The following FECH variants were observed in gnomAD, a reference collection of about 807,000 sequenced individuals.
FECH encodes the protein ferrochelatase, mitochondrial.
In FECH, 40 loss-of-function variants were observed where a neutral mutation model predicts 56.9. The ratio of observed to expected loss-of-function variants is 0.70; its 90% confidence interval spans 0.55 to 0.92. The LOEUF (loss-of-function observed/expected upper bound fraction) is 0.92. FECH is among the 40% of genes least tolerant of loss of function. The pLI, the probability that FECH is intolerant of heterozygous loss-of-function variation, is 0.00. For missense variants in FECH, 431 were observed against 529.1 expected, an observed-to-expected ratio of 0.81 and a Z score of 1.82; for synonymous variants, 175 against 198.6, an observed-to-expected ratio of 0.88 and a Z score of 1.00.
At chr18:57,570,381 A>C (rs898013946) in intron 4 of FECH, among the ~76,000 whole-genome samples, 6 of 152,174 alleles carry the variant, frequency 3.9e-5, no homozygotes, top group Admixed American at 3.9e-4. Flanking sequence ...CAGTTGAACA[A>C]TTTTCGAAGT....
chr18:57,554,458 T>C (rs1196350893), intron 8 of FECH, 34 bp from the exon 9 acceptor site: 1 of 1,613,310 alleles, frequency 6.2e-7, no homozygotes, highest in East Asian at 2.2e-5. Flanking sequence ...GTAAGTGGAC[T>C]ATGCCTCCTG....
Position 57,551,119 on chromosome 18 carries a change from T to C in FECH, c.1137+196A>G, listed in dbSNP as rs2050791616. On this transcript the variant is annotated intron_variant, in intron 10 of 10. Coordinates refer to ENST00000262093, the MANE Select transcript of FECH (RefSeq NM_000140.5). ...GCAGGTTTTAAATCAGACATAGTTA[T>C]AGGTGGGTAGAAATCAGAAAATTGG... 3 of 638,612 alleles carry C rather than the reference T, an allele frequency of 4.7e-6. No homozygotes were observed. In the South Asian group the frequency reaches 5.9e-5, roughly 13 times the overall value. The allele number at this position is 638,612 out of a possible 1,614,324, so 39.6% of individuals were successfully genotyped here. A position where few individuals can be genotyped will look rare whatever the true frequency, so the allele number is the denominator to read the frequency against.
At position 57,549,006 on chromosome 18, in the gene FECH, G is replaced by C. The variant is rs1482324824; in HGVS notation, c.*1706C>G. ...CTTCCAGCACCACACCACCAGCTCA[G>C]AGAATTCACTTCACGGTGGGACGGT... is the stretch of plus-strand genomic sequence containing the variant. On this transcript the variant is annotated 3_prime_UTR_variant, in exon 11 of 11. Transcript: ENST00000262093. 1 of 152,062 alleles carries C rather than the reference G, an allele frequency of 6.6e-6. No individual in the cohort carries two copies. The highest frequency in any genetic ancestry group is 1.5e-5 in the Non-Finnish European group (1 of 68,012). The allele number at this position is 152,062 out of a possible 1,614,324, so 9.4% of individuals were successfully genotyped here. A position where few individuals can be genotyped will look rare whatever the true frequency, so the allele number is the denominator to read the frequency against.
rs1211527966 is a variant in FECH at position 57,580,134 on chromosome 18, C to T, written c.133G>A (p.Val45Ile). Reference protein sequence around the residue: ...RWKSGAAAAAVTTETAQHAQG... With the variant: ...RWKSGAAAAAITTETAQHAQG... ...GCATGCTGGGCTGTTTCTGTGGTGA[C>T]GGCCGCTGCAGCTGCACCTGACTTC... The change falls in exon 2 of 11, where the codon GTC (valine) becomes ATC (isoleucine). Residue 45 changes from valine to isoleucine, a missense_variant. Physicochemically the swap from Val to Ile is conservative, Grantham distance 29 (BLOSUM62 3). Coordinates refer to ENST00000262093, the MANE Select transcript of FECH (RefSeq NM_000140.5). The T allele has an allele frequency of 9.9e-6, 16 of 1,614,184 alleles. No homozygotes were observed. Among genetic ancestry groups the T allele is most frequent in the Non-Finnish European group, 1.3e-5 (15 of 1,180,032 alleles).
In FECH at chr18:57,545,600, A is replaced by G. The variant is rs2050710398; in HGVS notation, c.*5112T>C. 6.6e-6 allele frequency among the ~76,000 whole-genome samples: 1 copy of G among 152,204 alleles called. No homozygotes were observed. Among genetic ancestry groups the G allele is most frequent in the African/African-American group, 2.4e-5 (1 of 41,452 alleles). On this transcript the variant is annotated 3_prime_UTR_variant, in exon 11 of 11. Coordinates refer to ENST00000262093, the MANE Select transcript of FECH (RefSeq NM_000140.5). ...AGCGATGGTCTGGCTGAAGGGCACC[A>G]CCTGCTATTGCTCATCATATTCGTG...
At chr18:57,560,191 G>GA (rs2050924572) in intron 6 of FECH, among the ~76,000 whole-genome samples, 1 of 152,186 alleles carries the variant, frequency 6.6e-6, no homozygotes, top group African/African-American at 2.4e-5. Context: ...CCTGATTTTA[G>GA]AAAACACACT....
chr18:57,554,756 G>T, intron 8 of FECH, 89 bp downstream of exon 8: 1 of 1,077,068 alleles, frequency 9.3e-7, no homozygotes, highest in Admixed American at 1.8e-5. Flanking sequence ...GCCTGACCAT[G>T]TGTAAGAGCC....
chr18:57,584,342 A>AC (rs992227853), intron 1 of FECH, among the ~76,000 whole-genome samples: 4 of 151,466 alleles, frequency 2.6e-5, no homozygotes, highest in Non-Finnish European at 4.4e-5. Context: ...AAAAAAAAAA[A>AC]AAACTCTCAA....
At chr18:57,573,393 T>C in intron 2 of FECH, 28 bp from the exon 3 acceptor site, 1 of 1,613,512 alleles carries the variant, frequency 6.2e-7, no homozygotes, top group Non-Finnish European at 8.5e-7. Context: ...CAACGGTTGA[T>C]TTGTCACACT....
rs908102999 is a variant in FECH at position 57,569,584 on chromosome 18, G to A, written c.463+1808C>T. Reference sequence around the variant, plus strand: ...AGCCTCACCGGAGACAGGAGGTGGCGGGAAGGATGCCCTCCTGTCTGTATT... The same window carrying A: ...AGCCTCACCGGAGACAGGAGGTGGCAGGAAGGATGCCCTCCTGTCTGTATT... On this transcript the variant is annotated intron_variant, in intron 4 of 10. Coordinates refer to ENST00000262093, the MANE Select transcript of FECH (RefSeq NM_000140.5). Among the ~76,000 whole-genome samples, 5 of 152,100 alleles carry A rather than the reference G, an allele frequency of 3.3e-5. No individual in the cohort carries two copies. The South Asian group carries it at 8.3e-4, about 25-fold the overall frequency.
intron 3 of FECH, 65 bp from the exon 4 acceptor site, chr18:57,571,605 T>C: frequency 6.2e-7 from 1 of 1,612,812 alleles, no homozygotes; most frequent in Non-Finnish European, 8.5e-7. Flanking sequence ...AAATGTTTTC[T>C]ACTCAATAAA....
At chr18:57,584,182 A>G (rs1236511113) in intron 1 of FECH, among the ~76,000 whole-genome samples, 1 of 149,470 alleles carries the variant, frequency 6.7e-6, no homozygotes, top group African/African-American at 2.4e-5. Flanking sequence ...CCGTCTCAAA[A>G]AAAAAAAAAA....
At chr18:57,569,840 T>C (rs189295377) in intron 4 of FECH, among the ~76,000 whole-genome samples, 253 of 151,336 alleles carry the variant, frequency 1.7e-3, no homozygotes, top group African/African-American at 5.8e-3. Flanking sequence ...ATAAAACCTT[T>C]TTTTTTTTTT....
chr18:57,575,687 G>C (rs78718777), intron 2 of FECH, among the ~76,000 whole-genome samples: 1 of 152,172 alleles, frequency 6.6e-6, no homozygotes, highest in South Asian at 2.1e-4. Context: ...GGCTCCCAAA[G>C]TGCTGAGATT....
At chr18:57,577,529 A>C (rs2051200730) in intron 2 of FECH, among the ~76,000 whole-genome samples, 1 of 152,208 alleles carries the variant, frequency 6.6e-6, no homozygotes, top group Non-Finnish European at 1.5e-5. Context: ...AAGAATCCAC[A>C]AAGACACTCA....
rs779370863 is a variant in FECH at position 57,554,390 on chromosome 18, T to C, written c.947A>G (p.Asp316Gly). The C allele has an allele frequency of 1.2e-6, 2 of 1,614,170 alleles. No homozygotes were observed. The highest frequency in any genetic ancestry group is 1.7e-6 in the Non-Finnish European group (2 of 1,180,012). Residue 316 changes from aspartate to glycine, a missense_variant, in exon 9 of 11, where the codon GAC becomes GGC. Asp to Gly is a moderately conservative substitution (Grantham distance 94). Transcript: ENST00000262093. Reference sequence around the variant, plus strand: ...CTCACAAAGCCCTTTGATAGATTCGTCTGTTTGAGGACCCAACCAGGGCAT... The same window carrying C: ...CTCACAAAGCCCTTTGATAGATTCGCCTGTTTGAGGACCCAACCAGGGCAT... ...GPMPWLGPQT[D>G]ESIKGLCERG...
At chr18:57,572,176 C>G (rs1213176243) in intron 3 of FECH, among the ~76,000 whole-genome samples, 3 of 152,090 alleles carry the variant, frequency 2.0e-5, no homozygotes, top group Non-Finnish European at 4.4e-5. Flanking sequence ...TGGAACCAAC[C>G]CAAATGTCCA....
chr18:57,544,482 A>T lies in FECH; in HGVS notation c.*6230T>A, dbSNP rs548712431. Among the ~76,000 whole-genome samples, 8 of 152,238 alleles carry T rather than the reference A, an allele frequency of 5.3e-5. No homozygotes were observed. Among genetic ancestry groups the T allele is most frequent in the Non-Finnish European group, 8.8e-5 (6 of 68,040 alleles). ...CACAATACACTTTCCTACAAATTCCATATAGTCAATTCATTCTCAGAGAAT... is the reference window on the plus strand; with the variant it reads ...CACAATACACTTTCCTACAAATTCCTTATAGTCAATTCATTCTCAGAGAAT... On this transcript the variant is annotated 3_prime_UTR_variant, in exon 11 of 11. Transcript: ENST00000262093.
chr18:57,556,960 A>T (rs1461404211), intron 7 of FECH, among the ~76,000 whole-genome samples: 1 of 150,210 alleles, frequency 6.7e-6, no homozygotes, highest in Non-Finnish European at 1.5e-5. Context: ...AAGACAAGCC[A>T]AGTATCAGGA....
Sources: gnomAD v4.1 joint callset for allele counts (sites outside exome capture counted in the v4.1 genomes callset) on GRCh38, gnomAD v4.1.1 for gene constraint, MANE v1.5 for transcripts, NCBI Gene and HGNC (gene_info 2026-07-23, HGNC 2026-07-21) for gene names.